Variants in COL9A2 observed in about 807,000 individuals in gnomAD.
The protein encoded by COL9A2 is collagen type IX alpha 2 chain.
In COL9A2, 66 loss-of-function variants were observed where a neutral mutation model predicts 111.6. The observed-to-expected ratio is 0.59, with a 90% CI of 0.48 to 0.73. The LOEUF (loss-of-function observed/expected upper bound fraction) is 0.73. COL9A2 is among the 30% of genes least tolerant of loss of function. The pLI is 0.00. For synonymous variants in COL9A2, 353 were observed against 364.1 expected (o/e 0.97, Z 0.35); for missense variants, 881 against 954.1 (o/e 0.92, Z 1.01).
At position 40,307,893 on chromosome 1, in the gene COL9A2, C is replaced by T. The variant is rs1644055712; in HGVS notation, c.901-137G>A. ...GGTCATCCCAGGAAGCCCCACTGGC[C>T]AACTGGGGGAGGGGAGTTGAAGTGG... On this transcript the variant is annotated intron_variant, in intron 17 of 31. Coordinates refer to ENST00000372748, the MANE Select transcript of COL9A2 (RefSeq NM_001852.4). The surrounding 1 kb of genome is among the most constrained non-coding windows in gnomAD (Gnocchi z 4.8). 9 of 909,416 alleles carry T rather than the reference C, an allele frequency of 9.9e-6. No homozygotes were observed. Among genetic ancestry groups the T allele is most frequent in the Non-Finnish European group, 1.4e-5 (8 of 568,192 alleles). 56.3% of individuals were successfully genotyped at this position (909,416 alleles called of 1,614,324 possible). A position where few individuals can be genotyped will look rare whatever the true frequency, so the allele number is the denominator to read the frequency against.
rs368763623 is a variant in COL9A2 at position 40,301,757 on chromosome 1, T to A, written c.1870+55A>T. On this transcript the variant is annotated intron_variant, in intron 31 of 31. Transcript: ENST00000372748. ...TGGAGGAGACCGCAGTGTCCACACG[T>A]CATTAATTCCCAAGCTGAGGAACAC... The A allele has an allele frequency of 6.5e-5, 100 of 1,547,210 alleles. 1 individual carries two copies. The highest frequency in any genetic ancestry group is 8.3e-5 in the Non-Finnish European group (93 of 1,120,584).
In COL9A2 at chr1:40,311,572, C is replaced by T. The variant is rs1010381808; in HGVS notation, c.472-25G>A. ...CCTGAGAGGAGACATGAAGATGGAGCTTGGCCTGACCCTTTCCCGCCGCAG... is the reference window on the plus strand; with the variant it reads ...CCTGAGAGGAGACATGAAGATGGAGTTTGGCCTGACCCTTTCCCGCCGCAG... On this transcript the variant is annotated intron_variant, in intron 9 of 31. Transcript: ENST00000372748. This position sits in a 1 kb window ranked among gnomAD's most constrained non-coding sequence, Gnocchi z 5.1. The T allele has an allele frequency of 1.9e-5, 30 of 1,613,834 alleles. No individual in the cohort carries two copies. The African/African-American group carries it at 2.7e-4, about 14-fold the overall frequency.
intron 21 of COL9A2, chr1:40,305,068 T>C (rs1232806486): frequency 2.4e-5 from 10 of 410,178 alleles, no homozygotes; most frequent in African/African-American, 8.9e-5. Flanking sequence ...TTTCTTTTTT[T>C]TTTTTTTTTT....
chr1:40,308,166 G>C (rs762969382), intron 17 of COL9A2, 26 bp downstream of exon 17: 4 of 1,611,298 alleles, frequency 2.5e-6, no homozygotes, highest in South Asian at 2.2e-5. Context: ...CCTCTGTCCT[G>C]GTGGGCCTAG....
rs997918901 is a variant in COL9A2, at chr1:40,304,883, C to T, written c.1108-36G>A. 7.1e-6 allele frequency: 11 copies of T among 1,539,162 alleles called. No homozygotes were observed. In the African/African-American group the frequency reaches 8.2e-5, roughly 12 times the overall value. Reference sequence around the variant, plus strand: ...GAGAAATTGGGGCTAAGCGTTTGACCTGGTGGAACCCACCCTTCCACACCT... The same window carrying T: ...GAGAAATTGGGGCTAAGCGTTTGACTTGGTGGAACCCACCCTTCCACACCT... On this transcript the variant is annotated intron_variant, in intron 21 of 31. Transcript: ENST00000372748.
At chr1:40,315,740 C>T (rs757802254) in intron 1 of COL9A2, 76 bp from the exon 2 acceptor site, 15 of 1,095,282 alleles carry the variant, frequency 1.4e-5, no homozygotes, top group Non-Finnish European at 1.8e-5. Context: ...GCAAGCGACC[C>T]TGGGAGCGGG....
Position 40,311,729 on chromosome 1 carries a change from A to C in COL9A2, c.418-14T>G. The stretch of plus-strand genomic sequence containing the variant: ...TCCAGGGTCCCCCTGGAAGCAAAAG[A>C]AGCCCAAATCATACCCCTGACCAGC... On this transcript the variant is annotated splice_polypyrimidine_tract_variant and intron_variant, in intron 8 of 31. Coordinates refer to ENST00000372748, the MANE Select transcript of COL9A2 (RefSeq NM_001852.4). The surrounding 1 kb of genome is among the most constrained non-coding windows in gnomAD (Gnocchi z 5.1). 1.2e-6 allele frequency: 2 copies of C among 1,613,526 alleles called. No individual in the cohort carries two copies. The highest frequency in any genetic ancestry group is 1.7e-6 in the Non-Finnish European group (2 of 1,179,924).
In COL9A2 at chr1:40,303,026, A is replaced by G. The variant is rs1643939099; in HGVS notation, c.1603+105T>C. ...AGAGACTGGACTGGAAGGAGCCCCC[A>G]GGACTCCAGATTTTCAGACAAGTGA... On this transcript the variant is annotated intron_variant, in intron 29 of 31. Coordinates refer to ENST00000372748, the MANE Select transcript of COL9A2 (RefSeq NM_001852.4). The surrounding 1 kb of genome is among the most constrained non-coding windows in gnomAD (Gnocchi z 4.6). The G allele has an allele frequency of 7.9e-7, 1 of 1,265,732 alleles. No individual in the cohort carries two copies. Among genetic ancestry groups the G allele is most frequent in the Non-Finnish European group, 1.1e-6 (1 of 889,126 alleles). 78.4% of individuals were successfully genotyped at this position (1,265,732 alleles called of 1,614,324 possible).
chr1:40,305,076 T>TC (rs1261262082), intron 21 of COL9A2: 1 of 426,834 alleles, frequency 2.3e-6, no homozygotes, highest in Non-Finnish European at 4.0e-6. Context: ...TTTTTTTTTT[T>TC]TTTTTTTTTG....
rs771660985 is a variant in COL9A2, at chr1:40,301,825, G to C, written c.1857C>G (p.Pro619=). Residue 619 remains proline (P), a synonymous_variant, in exon 31 of 32, where the codon CCC becomes CCG. Coordinates refer to ENST00000372748, the MANE Select transcript of COL9A2 (RefSeq NM_001852.4). ...CCAATGGCTTACCTGGGATCCCTGG[G>C]GGCCCAGGCATCCCGGGGTGCCCCC... The part of the protein sequence containing the change: ...VGRGHPGMPG[P]PGIPGLPGRP... The C allele has an allele frequency of 9.3e-6, 15 of 1,614,124 alleles. No individual in the cohort carries two copies. The highest frequency in any genetic ancestry group is 1.3e-5 in the Non-Finnish European group (15 of 1,179,996).
chr1:40,307,445 C>A lies in COL9A2; in HGVS notation c.1008+1G>T, dbSNP rs1644046939. 1 of 1,613,782 alleles carries A rather than the reference C, an allele frequency of 6.2e-7. No individual in the cohort carries two copies. Among genetic ancestry groups the A allele is most frequent in the African/African-American group, 1.3e-5 (1 of 74,932 alleles). On this transcript the variant is annotated splice_donor_variant, in intron 19 of 31. Transcript: ENST00000372748. LOFTEE classifies it high-confidence loss of function. This position sits in a 1 kb window ranked among gnomAD's most constrained non-coding sequence, Gnocchi z 4.8. ...CCCCTGTGGCTCCACCTGACACTTA[C>A]CGCTAGGCCCTGGTGGCCTGGACTT... is the stretch of plus-strand genomic sequence containing the variant.
In COL9A2 at chr1:40,303,590, GC is replaced by G; in HGVS notation, c.1487del (p.Gly496AlafsTer35). The part of the protein sequence containing the change: ...PGVQGYPGPP[G>X]PRGLAGNRGV... ...CTCGGTTCCCGGCCAGTCCTCGAGG[GC>G]CGGGGGGACCAGGGTAGCCCTGAAC... is the stretch of plus-strand genomic sequence containing the variant. On this transcript the variant is annotated frameshift_variant, in exon 28 of 32. Coordinates refer to ENST00000372748, the MANE Select transcript of COL9A2 (RefSeq NM_001852.4). LOFTEE classifies it high-confidence loss of function. The surrounding 1 kb of genome is among the most constrained non-coding windows in gnomAD (Gnocchi z 4.6). 6.2e-7 allele frequency: 1 copy of G among 1,608,530 alleles called. No homozygotes were observed. The highest frequency in any genetic ancestry group is 8.5e-7 in the Non-Finnish European group (1 of 1,178,116).
intron 1 of COL9A2, 35 bp from the exon 2 acceptor site, chr1:40,315,699 AC>A: frequency 6.6e-7 from 1 of 1,506,038 alleles, no homozygotes; most frequent in African/African-American, 1.4e-5. Flanking sequence ...CAGTCCTCAG[AC>A]AGTGCAGGAA....
Position 40,315,616 on chromosome 1 carries a change from C to G in COL9A2, c.124G>C (p.Gly42Arg). 6.4e-7 allele frequency: 1 copy of G among 1,553,100 alleles called. No individual in the cohort carries two copies. Among genetic ancestry groups the G allele is most frequent in the East Asian group, 2.4e-5 (1 of 41,408 alleles). The change falls in exon 2 of 32, where the codon GGA becomes CGA. Residue 42 changes from glycine (G) to arginine (R), a missense_variant. Coordinates refer to ENST00000372748, the MANE Select transcript of COL9A2 (RefSeq NM_001852.4). ...RGPPGPPGPP[G>R]VPGSDGIDGD... ...TCGATGCCGTCGGATCCAGGCACTC[C>G]CGGCGGTCCCGGGGGACCCGGGGGG...
Position 40,305,572 on chromosome 1 carries a change from A to G in COL9A2, c.1107+143T>C, listed in dbSNP as rs1569720757. The G allele has an allele frequency of 3.9e-6, 3 of 760,058 alleles. No individual in the cohort carries two copies. In the South Asian group the frequency reaches 4.8e-5, roughly 12 times the overall value. The allele number at this position is 760,058 out of a possible 1,614,324, so 47.1% of individuals were successfully genotyped here. Reference sequence around the variant, plus strand: ...CTCCCTGCAATGTACATAGGGAAACAGGCCCAGGGAGGAGAAAGAGCTTCC... The same window carrying G: ...CTCCCTGCAATGTACATAGGGAAACGGGCCCAGGGAGGAGAAAGAGCTTCC... On this transcript the variant is annotated intron_variant, in intron 21 of 31. Transcript: ENST00000372748.
chr1:40,312,600 C>A lies in COL9A2; in HGVS notation c.313G>T (p.Gly105Trp). 6.2e-7 allele frequency: 1 copy of A among 1,613,944 alleles called. No individual in the cohort carries two copies. Among genetic ancestry groups the A allele is most frequent in the Non-Finnish European group, 8.5e-7 (1 of 1,179,960 alleles). Residue 105 changes from glycine (G) to tryptophan (W), a missense_variant, in exon 6 of 32, where the codon GGG becomes TGG. Coordinates refer to ENST00000372748, the MANE Select transcript of COL9A2 (RefSeq NM_001852.4). The surrounding 1 kb of genome is among the most constrained non-coding windows in gnomAD (Gnocchi z 6.0). ...GGAAGGCCAGGAGGACCAGGAAGCCCGGGCTGGCCCTGCAGAAGCAACGAG... is the reference window on the plus strand; with the variant it reads ...GGAAGGCCAGGAGGACCAGGAAGCCAGGGCTGGCCCTGCAGAAGCAACGAG... ...MGIPGVKGQP[G>W]LPGPPGLPGP...
Position 40,311,051 on chromosome 1 carries a change from T to C in COL9A2, c.630+42A>G, listed in dbSNP as rs1250033295. ...GGGGACAGAGCCCTGTAGGACCATC[T>C]CCACGTATCCCTGACCCACAGCCCT... On this transcript the variant is annotated intron_variant, in intron 12 of 31. Coordinates refer to ENST00000372748, the MANE Select transcript of COL9A2 (RefSeq NM_001852.4). This position sits in a 1 kb window ranked among gnomAD's most constrained non-coding sequence, Gnocchi z 5.1. The C allele has an allele frequency of 9.3e-6, 15 of 1,610,962 alleles. No individual in the cohort carries two copies. The highest frequency in any genetic ancestry group is 1.3e-5 in the African/African-American group (1 of 74,846).
Position 40,310,641 on chromosome 1 carries a change from A to G in COL9A2, c.684+73T>C. On this transcript the variant is annotated intron_variant, in intron 13 of 31. Coordinates refer to ENST00000372748, the MANE Select transcript of COL9A2 (RefSeq NM_001852.4). The surrounding 1 kb of genome is among the most constrained non-coding windows in gnomAD (Gnocchi z 4.9). ...GTCTCTTTTACAAGCTAGAGGCCTG[A>G]GCAGGGGAATGACTCCATGAAGGGC... is the stretch of plus-strand genomic sequence containing the variant. 7.6e-7 allele frequency: 1 copy of G among 1,312,588 alleles called. No homozygotes were observed. The highest frequency in any genetic ancestry group is 2.5e-5 in the East Asian group (1 of 39,960). The allele number at this position is 1,312,588 out of a possible 1,614,324, so 81.3% of individuals were successfully genotyped here.
At chr1:40,315,415 T>G (rs1488016081) in intron 2 of COL9A2, 175 bp downstream of exon 2, 1 of 1,427,698 alleles carries the variant, frequency 7.0e-7, no homozygotes, top group East Asian at 2.6e-5. Context: ...CAGGGCTGGT[T>G]TGAGGTTTTT....
Sources: gnomAD v4.1 joint callset for allele counts on GRCh38, gnomAD v4.1.1 for gene constraint, Gnocchi (gnomAD v3.1) non-coding constraint, MANE v1.5 for transcripts, NCBI Gene and HGNC (gene_info 2026-07-23, HGNC 2026-07-21) for gene names.